BCL2: variants seen among roughly 807,000 people sequenced by gnomAD.
The protein encoded by BCL2 is BCL2 apoptosis regulator.
In BCL2, 1 loss-of-function variant was observed where a neutral mutation model predicts 14.2. That is an observed-to-expected ratio of 0.07 (90% CI 0.02 to 0.33). The LOEUF (loss-of-function observed/expected upper bound fraction) is 0.33. Ranked by LOEUF, BCL2 falls within the 10% of genes least tolerant of loss-of-function variation. The pLI, the probability that BCL2 is intolerant of heterozygous loss-of-function variation, is 0.99. For synonymous variants in BCL2, 151 were observed against 137.2 expected (o/e 1.10, Z -0.70); for missense variants, 247 against 305.9 (o/e 0.81, Z 1.44).
At chr18:63,222,722 C>T (rs1405530928) in intron 2 of BCL2, among the ~76,000 whole-genome samples, 2 of 152,092 alleles carry the variant, frequency 1.3e-5, no homozygotes, top group Non-Finnish European at 2.9e-5. Flanking sequence ...ATTGAACACA[C>T]TGTATCTAAT....
chr18:63,191,545 G>T (rs1421967403), intron 2 of BCL2, among the ~76,000 whole-genome samples: 1 of 152,200 alleles, frequency 6.6e-6, no homozygotes, highest in Non-Finnish European at 1.5e-5. Flanking sequence ...CTACTCATAT[G>T]AAAAAACACT....
At chr18:63,249,962 C>A (rs1911263464) in intron 2 of BCL2, among the ~76,000 whole-genome samples, 1 of 152,154 alleles carries the variant, frequency 6.6e-6, no homozygotes, top group Non-Finnish European at 1.5e-5. Context: ...GCACCGCACA[C>A]TTGCACATAC....
intron 2 of BCL2, among the ~76,000 whole-genome samples, chr18:63,234,114 C>T (rs1910758096): frequency 6.6e-6 from 1 of 152,092 alleles, no homozygotes; most frequent in Non-Finnish European, 1.5e-5. Context: ...CACTGGGATA[C>T]ATTTGTAGGA....
At chr18:63,151,403 G>T (rs1914648034) in intron 2 of BCL2, 2 of 150,554 alleles carry the variant, frequency 1.3e-5, no homozygotes, top group Admixed American at 1.3e-4. Context: ...AGCAATACAA[G>T]CAAGAATGTC....
At chr18:63,266,903 G>A (rs1911849522) in intron 2 of BCL2, among the ~76,000 whole-genome samples, 1 of 152,186 alleles carries the variant, frequency 6.6e-6, no homozygotes, top group Non-Finnish European at 1.5e-5. Flanking sequence ...ATTTATGCAA[G>A]TGTTTGTTAA....
At chr18:63,170,316 A>G (rs546623711) in intron 2 of BCL2, among the ~76,000 whole-genome samples, 2 of 152,246 alleles carry the variant, frequency 1.3e-5, no homozygotes, top group African/African-American at 4.8e-5. Flanking sequence ...GGCAGCATCT[A>G]GAAACTTGGG....
At chr18:63,291,696 A>G (rs1912649348) in intron 2 of BCL2, among the ~76,000 whole-genome samples, 2 of 151,874 alleles carry the variant, frequency 1.3e-5, no homozygotes, top group African/African-American at 4.8e-5. Context: ...CACACTATCA[A>G]CCGAGGCCCT....
Position 63,160,394 on chromosome 18 carries a change from T to C in BCL2, c.586-31635A>G, listed in dbSNP as rs187883917. On this transcript the variant is annotated intron_variant, in intron 2 of 2. Coordinates refer to ENST00000333681, the MANE Select transcript of BCL2 (RefSeq NM_000633.3). ...GCAACTAAGACCGAGTGGGTTTCTT[T>C]TCTGGTTTTGTTCTTTAGGCATCAG... Among the ~76,000 whole-genome samples the C allele has an allele frequency of 1.1e-4, 17 of 152,262 alleles. No individual in the cohort carries two copies. In the East Asian group the frequency reaches 3.3e-3, roughly 29 times the overall value.
At chr18:63,169,336 C>CCCTTCTTTCTTT (rs1555697355) in intron 2 of BCL2, among the ~76,000 whole-genome samples, 1 of 62,054 alleles carries the variant, frequency 1.6e-5, no homozygotes, top group African/African-American at 8.1e-5. Flanking sequence ...TCCTTTCCTT[C>CCCTTCTTTCTTT]CTTTCTTTCT....
At chr18:63,151,656 A>C (rs2144608752) in intron 2 of BCL2, among the ~76,000 whole-genome samples, 1 of 152,234 alleles carries the variant, frequency 6.6e-6, no homozygotes, top group African/African-American at 2.4e-5. Flanking sequence ...GAGCTTATTA[A>C]TTTTCTGTAG....
At chr18:63,133,697 C>T (rs934162524) in intron 2 of BCL2, among the ~76,000 whole-genome samples, 9 of 152,198 alleles carry the variant, frequency 5.9e-5, no homozygotes, top group East Asian at 5.8e-4. Context: ...GAATGGCATG[C>T]GGTTGGGGAT....
intron 2 of BCL2, among the ~76,000 whole-genome samples, chr18:63,294,935 T>C (rs1461874856): frequency 6.7e-6 from 1 of 149,450 alleles, no homozygotes; most frequent in Non-Finnish European, 1.5e-5. Flanking sequence ...CCAAGGTGGG[T>C]GGATCACGAG....
intron 2 of BCL2, among the ~76,000 whole-genome samples, chr18:63,272,165 C>G (rs1453521979): frequency 6.6e-6 from 1 of 152,224 alleles, no homozygotes; most frequent in African/African-American, 2.4e-5. Flanking sequence ...TGCTATTTCT[C>G]TCTGTCCCTG....
At chr18:63,268,850 G>T (rs190059952) in intron 2 of BCL2, among the ~76,000 whole-genome samples, 1 of 152,146 alleles carries the variant, frequency 6.6e-6, no homozygotes, top group Admixed American at 6.5e-5. Context: ...ATGGCCTGAA[G>T]GAAACATAGG....
chr18:63,312,223 T>C (rs1292468377), intron 2 of BCL2, among the ~76,000 whole-genome samples: 1 of 152,170 alleles, frequency 6.6e-6, no homozygotes, highest in Non-Finnish European at 1.5e-5. Context: ...TAATTGGAAG[T>C]TAACAAGGAG....
chr18:63,318,454 C>T lies in BCL2; in HGVS notation c.213G>A (p.Pro71=), dbSNP rs376115863. Reference sequence around the variant, plus strand: ...CGCCGGGGGCAGCCGGGGTCTGCAGCGGCGAGGTCCTGGCGACCGGGTCCC... The same window carrying T: ...CGCCGGGGGCAGCCGGGGTCTGCAGTGGCGAGGTCCTGGCGACCGGGTCCC... ...ASRDPVARTS[P]LQTPAAPGAA... is the part of the protein sequence containing the mutation. Residue 71 remains proline (P), a synonymous_variant, in exon 2 of 3, where the codon CCG becomes CCA. Transcript: ENST00000333681. This position sits in a 1 kb window ranked among gnomAD's most constrained non-coding sequence, Gnocchi z 7.4. 6 of 1,469,358 alleles carry T rather than the reference C, an allele frequency of 4.1e-6. No individual in the cohort carries two copies. Among genetic ancestry groups the T allele is most frequent in the Non-Finnish European group, 5.4e-6 (6 of 1,121,308 alleles). 91.0% of individuals were successfully genotyped at this position (1,469,358 alleles called of 1,614,324 possible).
intron 2 of BCL2, among the ~76,000 whole-genome samples, chr18:63,222,273 C>CAAAA: frequency 1.2e-5 from 1 of 83,318 alleles, no homozygotes; most frequent in African/African-American, 4.6e-5. Context: ...GACTCCACCT[C>CAAAA]AAAAAAAAAA....
chr18:63,237,017 C>T (rs1446446292), intron 2 of BCL2, among the ~76,000 whole-genome samples: 4 of 152,118 alleles, frequency 2.6e-5, no homozygotes, highest in Non-Finnish European at 4.4e-5. Context: ...GGTTTTGAGG[C>T]GCACTCCTGG....
At chr18:63,300,450 CCTT>C (rs1362299480) in intron 2 of BCL2, among the ~76,000 whole-genome samples, 1 of 143,252 alleles carries the variant, frequency 7.0e-6, no homozygotes, top group East Asian at 2.0e-4. Context: ...ATCTTGTGCT[CCTT>C]CTCTCTCTCT....
Sources: gnomAD v4.1 joint callset for allele counts (sites outside exome capture counted in the v4.1 genomes callset) on GRCh38, gnomAD v4.1.1 for gene constraint, Gnocchi (gnomAD v3.1) non-coding constraint, MANE v1.5 for transcripts, NCBI Gene and HGNC (gene_info 2026-07-23, HGNC 2026-07-21) for gene names.